Variants in POPDC1 observed in about 807,000 individuals in gnomAD.
POPDC1 encodes the protein popeye domain cAMP effector 1.
At chr6:105,125,544 C>T in the POPDC1 span, 610 of 1,613,976 alleles carry the variant, frequency 3.8e-4, no homozygotes, top group Non-Finnish European at 5.0e-4. Flanking sequence ...AAACAATCGC[C>T]GGTACATGCC....
chr6:105,121,197 A>G, the POPDC1 span, among the ~76,000 whole-genome samples: 1 of 152,206 alleles, frequency 6.6e-6, no homozygotes, highest in Non-Finnish European at 1.5e-5. Flanking sequence ...AAAAGCTTGC[A>G]AACAGTAAAG....
At chr6:105,117,783 T>C in the POPDC1 span, among the ~76,000 whole-genome samples, 2 of 152,262 alleles carry the variant, frequency 1.3e-5, no homozygotes, top group East Asian at 3.8e-4. Flanking sequence ...CACGTCTGTC[T>C]GAATGCCTGA....
chr6:105,102,256 G>T, the POPDC1 span, among the ~76,000 whole-genome samples: 1 of 152,182 alleles, frequency 6.6e-6, no homozygotes. Flanking sequence ...AGCGAGTGGA[G>T]GATCTATTAA....
the POPDC1 span, chr6:105,129,367 T>G: frequency 6.3e-7 from 1 of 1,591,344 alleles, no homozygotes; most frequent in Non-Finnish European, 8.6e-7. Flanking sequence ...ATTAATTAAT[T>G]TTAATAATTA....
the POPDC1 span, among the ~76,000 whole-genome samples, chr6:105,117,315 T>C: frequency 6.6e-6 from 1 of 152,170 alleles, no homozygotes; most frequent in Non-Finnish European, 1.5e-5. Flanking sequence ...CATCCATCTC[T>C]GCAAATATAC....
At chr6:105,101,239 C>A in the POPDC1 span, 1 of 1,587,036 alleles carries the variant, frequency 6.3e-7, no homozygotes, top group East Asian at 2.3e-5. Flanking sequence ...GGAGGGAAAA[C>A]CACTGAATGC....
chr6:105,136,659 G>A, the POPDC1 span: 3 of 152,436 alleles, frequency 2.0e-5, no homozygotes, highest in Admixed American at 2.0e-4. Context: ...GGGGACGCTG[G>A]GGCTGCCTGA....
chr6:105,114,892 G>A, the POPDC1 span, among the ~76,000 whole-genome samples: 484 of 152,200 alleles, frequency 3.2e-3, 5 homozygotes, highest in African/African-American at 0.011. Flanking sequence ...TTTAACTCAC[G>A]GCACTCATAC....
chr6:105,122,737 C>T, the POPDC1 span, among the ~76,000 whole-genome samples: 8 of 152,258 alleles, frequency 5.3e-5, no homozygotes, highest in South Asian at 4.2e-4. Flanking sequence ...CGGCCCTGCA[C>T]GTTTGTAGAT....
the POPDC1 span, among the ~76,000 whole-genome samples, chr6:105,124,909 G>A: frequency 6.6e-6 from 1 of 152,180 alleles, no homozygotes; most frequent in African/African-American, 2.4e-5. Context: ...TCTAACAGAA[G>A]TGACCATATA....
chr6:105,107,530 G>A, the POPDC1 span, among the ~76,000 whole-genome samples: 3 of 152,200 alleles, frequency 2.0e-5, no homozygotes, highest in Non-Finnish European at 2.9e-5. Context: ...GGAGTACCAC[G>A]ATGTGAAATC....
At chr6:105,124,536 T>C in the POPDC1 span, 1 of 1,559,272 alleles carries the variant, frequency 6.4e-7, no homozygotes, top group Admixed American at 1.7e-5. Context: ...AAAAATCATG[T>C]GAAAACATAC....
At chr6:105,133,335 TCA>T in the POPDC1 span, 1 of 1,576,552 alleles carries the variant, frequency 6.3e-7, no homozygotes, top group East Asian at 2.2e-5. Context: ...ACATAAAGTA[TCA>T]GTTAGGTATC....
the POPDC1 span, chr6:105,098,732 G>A: frequency 6.6e-6 from 1 of 152,222 alleles, no homozygotes; most frequent in Admixed American, 6.5e-5. Context: ...GAAAGTGAGA[G>A]CGAGAGCGCA....
chr6:105,125,447 A>G, the POPDC1 span: 15 of 1,614,106 alleles, frequency 9.3e-6, no homozygotes, highest in East Asian at 1.6e-4. Context: ...CCTCTGCAGC[A>G]TAAGTTTGGC....
chr6:105,104,700 G>A, the POPDC1 span, among the ~76,000 whole-genome samples: 37 of 152,234 alleles, frequency 2.4e-4, no homozygotes, highest in Non-Finnish European at 4.3e-4. Context: ...GAATTGATTC[G>A]ACACTGCTTA....
chr6:105,129,621 G>T, the POPDC1 span: 1 of 1,005,724 alleles, frequency 9.9e-7, no homozygotes, highest in Non-Finnish European at 1.4e-6. Flanking sequence ...GTGATACTTT[G>T]CAAGACCCCC....
At chr6:105,113,515 C>T in the POPDC1 span, among the ~76,000 whole-genome samples, 7 of 152,150 alleles carry the variant, frequency 4.6e-5, no homozygotes, top group Non-Finnish European at 1.0e-4. Flanking sequence ...GGAAGTGGTA[C>T]TTGCTCCTTT....
the POPDC1 span, among the ~76,000 whole-genome samples, chr6:105,112,713 A>G: frequency 6.6e-6 from 1 of 152,310 alleles, no homozygotes; most frequent in East Asian, 1.9e-4. Context: ...GTTGAGAAAA[A>G]GTGGCTTGGG....
Sources: gnomAD v4.1 joint callset for allele counts (sites outside exome capture counted in the v4.1 genomes callset) on GRCh38, gnomAD v4.1.1 for gene constraint, MANE v1.5 for transcripts, NCBI Gene and HGNC (gene_info 2026-07-23, HGNC 2026-07-21) for gene names.